The following SARDH variants were observed in gnomAD, a reference collection of about 807,000 sequenced individuals.
The protein encoded by SARDH is sarcosine dehydrogenase, mitochondrial.
A neutral mutation model predicts 109.1 loss-of-function variants in SARDH; 95 were observed. That is an observed-to-expected ratio of 0.87 (90% CI 0.74 to 1.03). The LOEUF (loss-of-function observed/expected upper bound fraction) is 1.03, where lower values mean the gene tolerates loss of function less well. SARDH is among the 50% of genes least tolerant of loss of function. SARDH has a pLI of 0.00. For synonymous variants in SARDH, 572 were observed against 534.8 expected, an observed-to-expected ratio of 1.07 and a Z score of -0.96; for missense variants, 1,267 against 1,287.8, an observed-to-expected ratio of 0.98 and a Z score of 0.25.
At chr9:133,702,238 G>A (rs150643048) in intron 13 of SARDH, among the ~76,000 whole-genome samples, 2 of 152,330 alleles carry the variant, frequency 1.3e-5, no homozygotes, top group South Asian at 2.1e-4. Context: ...GGACAGCTGC[G>A]GGGGAGAACG....
intron 17 of SARDH, among the ~76,000 whole-genome samples, chr9:133,673,279 C>T (rs1196920343): frequency 6.6e-6 from 1 of 152,262 alleles, no homozygotes; most frequent in African/African-American, 2.4e-5. Flanking sequence ...GAGTCTGCGT[C>T]CTCACCTTCA....
At chr9:133,669,290 C>T (rs1006950924) in intron 19 of SARDH, among the ~76,000 whole-genome samples, 1 of 19,272 alleles carries the variant, frequency 5.2e-5, no homozygotes, top group African/African-American at 2.4e-4. Context: ...CCCTCTCCCT[C>T]ACCCTCCCTC....
intron 6 of SARDH, among the ~76,000 whole-genome samples, chr9:133,721,841 C>T (rs995943182): frequency 7.2e-5 from 11 of 152,074 alleles, no homozygotes; most frequent in Admixed American, 6.6e-4. Context: ...CCAGACTGGA[C>T]GTGGTGGCTC....
chr9:133,720,666 A>C (rs1429189812), intron 6 of SARDH, among the ~76,000 whole-genome samples: 1 of 152,170 alleles, frequency 6.6e-6, no homozygotes, highest in Non-Finnish European at 1.5e-5. Context: ...GAGCATGTGC[A>C]GGGGAACTCC....
intron 10 of SARDH, among the ~76,000 whole-genome samples, chr9:133,710,607 C>T (rs985953145): frequency 3.9e-5 from 6 of 152,252 alleles, no homozygotes; most frequent in Non-Finnish European, 7.3e-5. Context: ...GGCGCCGACG[C>T]TCTCTGTTCA....
intron 6 of SARDH, among the ~76,000 whole-genome samples, chr9:133,724,071 T>C (rs1832410960): frequency 6.6e-6 from 1 of 151,198 alleles, no homozygotes; most frequent in Admixed American, 6.6e-5. Context: ...AGAGCACAAA[T>C]GACAAAAGAG....
At chr9:133,682,033 A>G (rs189575972) in intron 17 of SARDH, among the ~76,000 whole-genome samples, 1 of 152,320 alleles carries the variant, frequency 6.6e-6, no homozygotes. Flanking sequence ...AGGACAGAGA[A>G]GAACACACCA....
chr9:133,659,689 G>GAAGGGAAC (rs1832386555), downstream of SARDH, among the ~76,000 whole-genome samples: 1 of 152,064 alleles, frequency 6.6e-6, no homozygotes, highest in South Asian at 2.1e-4. Flanking sequence ...CAGAAGGGAA[G>GAAGGGAAC]TCACGAGCCC....
Position 133,731,480 on chromosome 9 carries a change from C to T in SARDH, c.515G>A (p.Gly172Asp), listed in dbSNP as rs1403469104. The T allele has an allele frequency of 6.2e-7, 1 of 1,614,014 alleles. No homozygotes were observed. The highest frequency in any genetic ancestry group is 1.1e-5 in the South Asian group (1 of 91,066). ...LDEYKRLMSL[G>D]KAYGVESHVL... is the part of the protein sequence containing the mutation. ...ATGGGATTCCACACCATACGCCTTG[C>T]CCAGCTAGGGGGACCCAGGGGAGGT... Residue 172 changes from glycine (G) to aspartate (D), a missense_variant, in exon 4 of 21, where the codon GGC becomes GAC. Coordinates refer to ENST00000439388, the MANE Select transcript of SARDH (RefSeq NM_001134707.2).
chr9:133,694,100 C>T (rs996073845), intron 15 of SARDH, among the ~76,000 whole-genome samples, 158 bp downstream of exon 15: 2 of 152,238 alleles, frequency 1.3e-5, no homozygotes, highest in South Asian at 2.1e-4. Context: ...TAGCCTGAAA[C>T]GAGACCTCTA....
intron 8 of SARDH, among the ~76,000 whole-genome samples, chr9:133,715,505 CG>C (rs372326514): frequency 6.2e-4 from 94 of 152,302 alleles, no homozygotes; most frequent in African/African-American, 2.2e-3. Context: ...TGCTTCTCCC[CG>C]GGGCTGCACT....
intron 13 of SARDH, among the ~76,000 whole-genome samples, chr9:133,699,919 A>G (rs140090489): frequency 1.1e-3 from 167 of 152,374 alleles, no homozygotes; most frequent in African/African-American, 3.8e-3. Context: ...GTGGATGTTC[A>G]CAGCAGCACT....
rs182836745 is a variant in SARDH at position 133,721,524 on chromosome 9, G to A, written c.916-2482C>T. On this transcript the variant is annotated intron_variant, in intron 6 of 20. Coordinates refer to ENST00000439388, the MANE Select transcript of SARDH (RefSeq NM_001134707.2). ...AAAGAGTGAAAGCCATGGCTCCAGCGGGGAGGCGTGAAGAAGGCCCTGGAG... is the reference window on the plus strand; with the variant it reads ...AAAGAGTGAAAGCCATGGCTCCAGCAGGGAGGCGTGAAGAAGGCCCTGGAG... Among the ~76,000 whole-genome samples the A allele has an allele frequency of 2.2e-3, 328 of 152,278 alleles. 4 individuals carry two copies. The highest frequency in any genetic ancestry group is 1.9e-3 in the Non-Finnish European group (128 of 68,026).
At chr9:133,662,855 G>A (rs1040524502), downstream of SARDH, among the ~76,000 whole-genome samples, 2 of 152,194 alleles carry the variant, frequency 1.3e-5, no homozygotes, top group Non-Finnish European at 1.5e-5. This position sits in a 1 kb window ranked among gnomAD's most constrained non-coding sequence, Gnocchi z 5.1. Flanking sequence ...ACCTGGGCTC[G>A]GGGGGACAAG....
chr9:133,734,243 C>G, intron 1 of SARDH, 40 bp from the exon 2 acceptor site: 1 of 1,376,064 alleles, frequency 7.3e-7, no homozygotes, highest in East Asian at 2.5e-5. Flanking sequence ...GCAGAGGGGA[C>G]ACGCTGGGGG....
In SARDH at chr9:133,709,182, G is replaced by C. The variant is rs891897111; in HGVS notation, c.1329-754C>G. On this transcript the variant is annotated intron_variant, in intron 10 of 20. Coordinates refer to ENST00000439388, the MANE Select transcript of SARDH (RefSeq NM_001134707.2). This position sits in a 1 kb window ranked among gnomAD's most constrained non-coding sequence, Gnocchi z 4.2. The stretch of plus-strand genomic sequence containing the variant: ...ACAGTGTGCGGCCACGGCAGCCCCC[G>C]GTGGTGTCCAGCACGAACCCGGCGG... Among the ~76,000 whole-genome samples, 5 of 152,198 alleles carry C rather than the reference G, an allele frequency of 3.3e-5. No individual in the cohort carries two copies. Among genetic ancestry groups the C allele is most frequent in the African/African-American group, 4.8e-5 (2 of 41,440 alleles).
chr9:133,701,669 C>T (rs1436611896), intron 13 of SARDH, among the ~76,000 whole-genome samples: 1 of 152,210 alleles, frequency 6.6e-6, no homozygotes, highest in African/African-American at 2.4e-5. Context: ...CCGAGCACTC[C>T]CTGGGAGGCA....
chr9:133,664,108 C>T (rs537010112), intron 20 of SARDH, 94 bp from the exon 21 acceptor site: 1 of 1,509,186 alleles, frequency 6.6e-7, no homozygotes, highest in Non-Finnish European at 8.9e-7. Context: ...CTTGGTCTTG[C>T]TACCTGCCCT....
chr9:133,679,394 G>A lies in SARDH; in HGVS notation c.2163+5799C>T, dbSNP rs183719474. On this transcript the variant is annotated intron_variant, in intron 17 of 20. Coordinates refer to ENST00000439388, the MANE Select transcript of SARDH (RefSeq NM_001134707.2). ...GCTAATCAAATCCTAACAGCGCCGC[G>A]ACTAGGACTTCTCGCTGTCAGGAAA... Among the ~76,000 whole-genome samples the A allele has an allele frequency of 4.2e-3, 646 of 152,380 alleles. 4 individuals carry two copies. Among genetic ancestry groups the A allele is most frequent in the Middle Eastern group, 0.02 (6 of 294 alleles).
Sources: gnomAD v4.1 joint callset for allele counts (sites outside exome capture counted in the v4.1 genomes callset) on GRCh38, gnomAD v4.1.1 for gene constraint, Gnocchi (gnomAD v3.1) non-coding constraint, MANE v1.5 for transcripts, NCBI Gene and HGNC (gene_info 2026-07-23, HGNC 2026-07-21) for gene names.